The following TBC1D5 variants were observed in gnomAD, a reference collection of about 807,000 sequenced individuals.
TBC1D5 encodes TBC1 domain family, member 5.
A neutral mutation model predicts 100.3 loss-of-function variants in TBC1D5; 75 were observed. That is an observed-to-expected ratio of 0.75 (90% CI 0.62 to 0.91). TBC1D5 has a LOEUF of 0.91. Ranked by LOEUF, TBC1D5 falls within the 40% of genes least tolerant of loss-of-function variation. The probability of loss-of-function intolerance (pLI) is 0.00; values close to 1 mark genes in which losing one functional copy is unlikely to be tolerated. For missense variants in TBC1D5, 910 were observed against 942.4 expected, an observed-to-expected ratio of 0.97 and a Z score of 0.45; for synonymous variants, 323 against 325.6, an observed-to-expected ratio of 0.99 and a Z score of 0.09.
chr3:17,354,631 C>T (rs945670887), intron 13 of TBC1D5, among the ~76,000 whole-genome samples: 1 of 151,618 alleles, frequency 6.6e-6, no homozygotes, highest in Non-Finnish European at 1.5e-5. Context: ...AAAACCTTGG[C>T]CAGCTGATGT....
chr3:17,553,053 C>T (rs1438856348), intron 2 of TBC1D5, among the ~76,000 whole-genome samples: 1 of 152,060 alleles, frequency 6.6e-6, no homozygotes, highest in Non-Finnish European at 1.5e-5. Context: ...AAATTGACTA[C>T]ATGATAGGTG....
At chr3:17,554,885 CTG>C (rs1238661219) in intron 2 of TBC1D5, among the ~76,000 whole-genome samples, 12 of 150,622 alleles carry the variant, frequency 8.0e-5, no homozygotes, top group African/African-American at 2.9e-4. Flanking sequence ...GAGTCTCACT[CTG>C]TCGCCAGGCT....
At chr3:17,706,649 T>G (rs1036674968) in intron 1 of TBC1D5, among the ~76,000 whole-genome samples, 6 of 152,120 alleles carry the variant, frequency 3.9e-5, no homozygotes, top group African/African-American at 1.2e-4. Context: ...ATGCCTTGTT[T>G]TCACCTAATT....
intron 2 of TBC1D5, among the ~76,000 whole-genome samples, chr3:17,563,272 G>T (rs1470237838): frequency 2.6e-5 from 4 of 152,210 alleles, no homozygotes; most frequent in Admixed American, 2.6e-4. Flanking sequence ...ACATCAAATA[G>T]TTCGGTATGC....
chr3:17,524,191 C>T (rs2096100511), intron 2 of TBC1D5, among the ~76,000 whole-genome samples: 2 of 152,144 alleles, frequency 1.3e-5, no homozygotes, highest in South Asian at 4.1e-4. Context: ...TGTGCAGCCT[C>T]ACTCACAGTT....
chr3:17,484,175 G>A (rs933282533), intron 3 of TBC1D5, among the ~76,000 whole-genome samples: 2 of 152,058 alleles, frequency 1.3e-5, no homozygotes, highest in South Asian at 2.1e-4. Flanking sequence ...AGAAACTGAA[G>A]TTCAATACTA....
chr3:17,371,749 T>C (rs530159383), intron 13 of TBC1D5, among the ~76,000 whole-genome samples: 3 of 152,286 alleles, frequency 2.0e-5, no homozygotes, highest in South Asian at 4.1e-4. Context: ...TAATTAGATG[T>C]AGTTGAAATT....
At chr3:17,621,707 CTTTT>C (rs34228402) in intron 2 of TBC1D5, among the ~76,000 whole-genome samples, 1 of 147,852 alleles carries the variant, frequency 6.8e-6, no homozygotes, top group Non-Finnish European at 1.5e-5. Flanking sequence ...TTCTCGCTAA[CTTTT>C]TTTTTTTTTT....
At chr3:17,371,068 T>TAC (rs111820681) in intron 13 of TBC1D5, among the ~76,000 whole-genome samples, 7,182 of 146,426 alleles carry the variant, frequency 0.049, 212 homozygotes, top group African/African-American at 0.081. Context: ...ACTGAAAAAA[T>TAC]ACACACACAC....
intron 3 of TBC1D5, among the ~76,000 whole-genome samples, chr3:17,469,463 T>G (rs1370997776): frequency 6.6e-6 from 1 of 151,678 alleles, no homozygotes; most frequent in Non-Finnish European, 1.5e-5. Flanking sequence ...ATGAGGGCCG[T>G]CCAGCCTGTA....
At chr3:17,276,542 A>G (rs1036655951) in intron 15 of TBC1D5, among the ~76,000 whole-genome samples, 2 of 152,212 alleles carry the variant, frequency 1.3e-5, no homozygotes, top group Admixed American at 1.3e-4. Flanking sequence ...GATCTGTGTC[A>G]GAGAGATGAC....
intron 3 of TBC1D5, among the ~76,000 whole-genome samples, chr3:17,488,715 T>C (rs1045968451): frequency 6.6e-6 from 1 of 152,106 alleles, no homozygotes; most frequent in East Asian, 1.9e-4. Context: ...TAATTTGCAA[T>C]TCCCTGATAA....
At chr3:17,696,400 A>C (rs1295305465) in intron 1 of TBC1D5, among the ~76,000 whole-genome samples, 3 of 152,212 alleles carry the variant, frequency 2.0e-5, no homozygotes, top group Non-Finnish European at 4.4e-5. Context: ...AGATGCAATA[A>C]AAAATGATAA....
At chr3:17,622,305 G>A (rs1438079121) in intron 2 of TBC1D5, among the ~76,000 whole-genome samples, 4 of 152,040 alleles carry the variant, frequency 2.6e-5, no homozygotes, top group Non-Finnish European at 5.9e-5. Context: ...GCTGTGGACC[G>A]GTCCCAGTCC....
In TBC1D5 at chr3:17,370,882, T is replaced by G. The variant is rs539972021; in HGVS notation, c.995+1193A>C. Among the ~76,000 whole-genome samples the G allele has an allele frequency of 9.9e-5, 15 of 152,276 alleles. No homozygotes were observed. In the East Asian group the frequency reaches 1.9e-3, roughly 20 times the overall value. On this transcript the variant is annotated intron_variant, in intron 13 of 21. Coordinates refer to ENST00000253692, the Ensembl canonical transcript of TBC1D5. ...AAAAAAATTGCCTCAATTTTGCATG[T>G]TCTACCTAATGGAGAGTCAAGCTTT...
chr3:17,460,788 A>G (rs542827357), intron 3 of TBC1D5, among the ~76,000 whole-genome samples: 86 of 152,232 alleles, frequency 5.6e-4, no homozygotes, highest in Non-Finnish European at 1.1e-3. Context: ...CTACATAGAA[A>G]TGTTGGAAAT....
At chr3:17,718,040 A>T (rs115799075) in intron 1 of TBC1D5, among the ~76,000 whole-genome samples, 2 of 152,172 alleles carry the variant, frequency 1.3e-5, no homozygotes, top group African/African-American at 4.8e-5. Flanking sequence ...TACGAAGTCA[A>T]TAAGACAAGA....
At chr3:17,693,963 G>T (rs2071591781) in intron 1 of TBC1D5, among the ~76,000 whole-genome samples, 1 of 152,152 alleles carries the variant, frequency 6.6e-6, no homozygotes, top group Non-Finnish European at 1.5e-5. Flanking sequence ...AGTCTGGAGT[G>T]GACCTCCAGC....
At chr3:17,163,274 C>A (rs1182463851) in intron 21 of TBC1D5, among the ~76,000 whole-genome samples, 1 of 149,568 alleles carries the variant, frequency 6.7e-6, no homozygotes, top group African/African-American at 2.5e-5. Flanking sequence ...CCTTCCTTGC[C>A]CCTTTGCATT....
Sources: allele counts gnomAD v4.1 joint callset (sites outside exome capture counted in the v4.1 genomes callset), GRCh38; gene constraint gnomAD v4.1.1; transcripts MANE v1.5; gene names NCBI Gene and HGNC (gene_info 2026-07-23, HGNC 2026-07-21).